The following ZNF407 variants were observed in gnomAD, a reference collection of about 807,000 sequenced individuals.
The protein encoded by ZNF407 is zinc finger protein 407.
A neutral mutation model predicts 131.2 loss-of-function variants in ZNF407; 17 were observed. That is an observed-to-expected ratio of 0.13 (90% CI 0.09 to 0.19). The LOEUF (loss-of-function observed/expected upper bound fraction) is 0.19, where lower values mean the gene tolerates loss of function less well. Ranked by LOEUF, ZNF407 falls within the 10% of genes least tolerant of loss-of-function variation. The pLI is 1.00. For synonymous variants in ZNF407, 1,156 were observed against 1,062.0 expected (o/e 1.09, Z -1.72); for missense variants, 2,681 against 2,830.6 (o/e 0.95, Z 1.20).
intron 8 of ZNF407, among the ~76,000 whole-genome samples, chr18:75,024,938 A>T (rs901691489): frequency 2.0e-5 from 3 of 152,208 alleles, no homozygotes; most frequent in African/African-American, 7.2e-5. Context: ...AACGAAGACT[A>T]TTTCCATCTG....
At chr18:74,921,048 G>A in intron 8 of ZNF407, 1 of 963,848 alleles carries the variant, frequency 1.0e-6, no homozygotes, top group Non-Finnish European at 1.2e-6. Context: ...AAAAATGCTT[G>A]TGATTTGAAA....
chr18:74,975,922 A>T (rs1482059543), intron 8 of ZNF407, among the ~76,000 whole-genome samples: 1 of 152,234 alleles, frequency 6.6e-6, no homozygotes, highest in African/African-American at 2.4e-5. Context: ...GATGGTCATG[A>T]CAGAGAGGTT....
At chr18:74,669,925 C>T (rs1184889119) in intron 3 of ZNF407, among the ~76,000 whole-genome samples, 2 of 152,166 alleles carry the variant, frequency 1.3e-5, no homozygotes, top group African/African-American at 2.4e-5. Context: ...TGACAAAACC[C>T]GTAGACTCCC....
chr18:74,650,188 C>T (rs886754466), intron 3 of ZNF407, among the ~76,000 whole-genome samples: 1 of 152,090 alleles, frequency 6.6e-6, no homozygotes, highest in Non-Finnish European at 1.5e-5. Flanking sequence ...TGACTAGTGC[C>T]CATTGGCAGA....
At chr18:74,874,185 C>T (rs1315366820) in intron 4 of ZNF407, among the ~76,000 whole-genome samples, 1 of 152,000 alleles carries the variant, frequency 6.6e-6, no homozygotes, top group Non-Finnish European at 1.5e-5. Context: ...TTTTCTGGGC[C>T]GTAAGAACAT....
chr18:74,602,760 A>G (rs962601487), intron 1 of ZNF407, among the ~76,000 whole-genome samples: 3 of 152,214 alleles, frequency 2.0e-5, no homozygotes, highest in East Asian at 1.9e-4. Flanking sequence ...TACCTTCTAC[A>G]GTATTTTAGC....
At chr18:75,030,018 T>C (rs1306037780) in intron 8 of ZNF407, among the ~76,000 whole-genome samples, 6 of 152,156 alleles carry the variant, frequency 3.9e-5, no homozygotes, top group African/African-American at 1.4e-4. Context: ...AAGAAAATAT[T>C]GAAGAGCTTT....
intron 3 of ZNF407, among the ~76,000 whole-genome samples, chr18:74,700,317 C>T (rs145983769): frequency 1.6e-4 from 24 of 152,310 alleles, no homozygotes; most frequent in East Asian, 5.8e-4. Flanking sequence ...AACTAGTTTA[C>T]GGTGAGCAGT....
At chr18:74,995,029 C>T (rs1599284347) in intron 8 of ZNF407, among the ~76,000 whole-genome samples, 1 of 152,196 alleles carries the variant, frequency 6.6e-6, no homozygotes, top group African/African-American at 2.4e-5. Flanking sequence ...GAAATCTTTA[C>T]TCAATGTATG....
At chr18:74,696,826 C>T (rs1967369678) in intron 3 of ZNF407, among the ~76,000 whole-genome samples, 1 of 152,136 alleles carries the variant, frequency 6.6e-6, no homozygotes, top group Admixed American at 6.5e-5. Context: ...TACAAGGCTG[C>T]AAGGTAGTTT....
At chr18:74,760,863 A>G (rs1048728849) in intron 3 of ZNF407, among the ~76,000 whole-genome samples, 1 of 152,136 alleles carries the variant, frequency 6.6e-6, no homozygotes, top group African/African-American at 2.4e-5. Flanking sequence ...CAAGTGCCCC[A>G]AAGCTTATTG....
chr18:74,999,524 A>G (rs1972820877), intron 8 of ZNF407, among the ~76,000 whole-genome samples: 1 of 152,196 alleles, frequency 6.6e-6, no homozygotes, highest in African/African-American at 2.4e-5. Flanking sequence ...GAGAAAGAAA[A>G]TAATTTAGAG....
chr18:74,887,081 A>G (rs1971320770), intron 6 of ZNF407, among the ~76,000 whole-genome samples: 1 of 152,170 alleles, frequency 6.6e-6, no homozygotes, highest in African/African-American at 2.4e-5. Context: ...AATCTTATAA[A>G]TGTTTTCAAA....
intron 8 of ZNF407, among the ~76,000 whole-genome samples, chr18:74,925,045 G>A (rs1971894587): frequency 6.6e-6 from 1 of 152,136 alleles, no homozygotes; most frequent in African/African-American, 2.4e-5. Flanking sequence ...TTTTCCAAAG[G>A]TAATGATTAC....
At chr18:74,983,536 C>A (rs1369194795) in intron 8 of ZNF407, among the ~76,000 whole-genome samples, 1 of 152,058 alleles carries the variant, frequency 6.6e-6, no homozygotes, top group Non-Finnish European at 1.5e-5. Context: ...AGTATTGTTG[C>A]TTTTTTGAAT....
chr18:75,032,483 T>C (rs755398287), intron 8 of ZNF407, among the ~76,000 whole-genome samples: 1 of 152,170 alleles, frequency 6.6e-6, no homozygotes, highest in Non-Finnish European at 1.5e-5. Flanking sequence ...TCTTGACATA[T>C]TAACCTTATA....
chr18:74,904,159 T>G (rs1253683942), intron 7 of ZNF407, among the ~76,000 whole-genome samples: 3 of 152,214 alleles, frequency 2.0e-5, no homozygotes, highest in Non-Finnish European at 2.9e-5. Context: ...CTCAGAGACT[T>G]TAGCATGTTC....
At chr18:74,817,182 T>C (rs1970278968) in intron 4 of ZNF407, among the ~76,000 whole-genome samples, 2 of 152,208 alleles carry the variant, frequency 1.3e-5, no homozygotes. Flanking sequence ...AGAAACATGT[T>C]ACAGGTAAAA....
At chr18:75,058,109 A>G (rs1384882678) in intron 8 of ZNF407, among the ~76,000 whole-genome samples, 1 of 152,196 alleles carries the variant, frequency 6.6e-6, no homozygotes, top group Non-Finnish European at 1.5e-5. Flanking sequence ...CCCCTAGCAC[A>G]GTTTTGGGGA....
Sources: gnomAD v4.1 joint callset for allele counts (sites outside exome capture counted in the v4.1 genomes callset) on GRCh38, gnomAD v4.1.1 for gene constraint, MANE v1.5 for transcripts, NCBI Gene and HGNC (gene_info 2026-07-23, HGNC 2026-07-21) for gene names.